The following CADPS variants were observed in gnomAD, a reference collection of about 807,000 sequenced individuals.
CADPS encodes the protein calcium-dependent secretion activator 1.
In CADPS, 57 loss-of-function variants were observed where a neutral mutation model predicts 167.3. The ratio of observed to expected loss-of-function variants is 0.34; its 90% CI spans 0.28 to 0.42. CADPS has a LOEUF of 0.42. Ranked by LOEUF, CADPS falls within the 20% of genes least tolerant of loss-of-function variation. The pLI is 1.00. For synonymous variants in CADPS, 676 were observed against 635.3 expected, an observed-to-expected ratio of 1.06 and a Z score of -0.96; for missense variants, 1,414 against 1,738.1, an observed-to-expected ratio of 0.81 and a Z score of 3.32.
At chr3:62,563,455 T>C (rs1577883543) in intron 9 of CADPS, among the ~76,000 whole-genome samples, 1 of 152,204 alleles carries the variant, frequency 6.6e-6, no homozygotes, top group African/African-American at 2.4e-5. Flanking sequence ...ACATTCTCAG[T>C]TGGGAATCAG....
chr3:62,524,562 G>A (rs1455247622), intron 13 of CADPS, among the ~76,000 whole-genome samples: 6 of 152,174 alleles, frequency 3.9e-5, no homozygotes, highest in Admixed American at 3.9e-4. Context: ...ACAAGGCTTG[G>A]AAGGGGCAAA....
At chr3:62,652,249 A>G (rs2070345115) in intron 4 of CADPS, among the ~76,000 whole-genome samples, 1 of 151,976 alleles carries the variant, frequency 6.6e-6, no homozygotes. Context: ...GTACATGTCC[A>G]ATTGGCCATA....
At chr3:62,807,964 C>T (rs1360932278) in intron 1 of CADPS, among the ~76,000 whole-genome samples, 2 of 152,048 alleles carry the variant, frequency 1.3e-5, no homozygotes, top group Admixed American at 6.6e-5. Flanking sequence ...AACTCCACCT[C>T]CCGGGTTCAC....
At chr3:62,423,040 A>G (rs1352334233) in intron 28 of CADPS, among the ~76,000 whole-genome samples, 1 of 152,222 alleles carries the variant, frequency 6.6e-6, no homozygotes, top group Non-Finnish European at 1.5e-5. Flanking sequence ...AGGGAGAGAT[A>G]GACTGAAAGC....
chr3:62,420,126 T>C lies in CADPS; in HGVS notation c.3778-16941A>G, dbSNP rs951129410. On this transcript the variant is annotated intron_variant, in intron 28 of 29. Transcript: ENST00000383710. The surrounding 1 kb of genome is among the most constrained non-coding windows in gnomAD (Gnocchi z 4.1). ...AAAAAAATTCAGGTGAATAGGTAAA[T>C]GGAATGCTTTACATTAAACCACACA... Among the ~76,000 whole-genome samples the C allele has an allele frequency of 5.3e-5, 8 of 152,082 alleles. No homozygotes were observed. Among genetic ancestry groups the C allele is most frequent in the Non-Finnish European group, 7.4e-5 (5 of 68,024 alleles).
chr3:62,669,146 T>G (rs967785854), intron 3 of CADPS, among the ~76,000 whole-genome samples: 7 of 152,152 alleles, frequency 4.6e-5, no homozygotes, highest in African/African-American at 1.7e-4. Context: ...GTTTAGCTTG[T>G]TTTCTCGCTA....
intron 1 of CADPS, among the ~76,000 whole-genome samples, chr3:62,844,712 T>A (rs377445839): frequency 6.6e-6 from 1 of 152,184 alleles, no homozygotes; most frequent in Non-Finnish European, 1.5e-5. Context: ...AACACACTAA[T>A]GCGATTGGGA....
At chr3:62,430,115 A>G (rs886619963) in intron 28 of CADPS, among the ~76,000 whole-genome samples, 1 of 152,226 alleles carries the variant, frequency 6.6e-6, no homozygotes, top group Non-Finnish European at 1.5e-5. Context: ...TTTGGATAGT[A>G]ATAACCCATT....
intron 1 of CADPS, among the ~76,000 whole-genome samples, chr3:62,846,992 A>G (rs2077559710): frequency 6.6e-6 from 1 of 152,188 alleles, no homozygotes; most frequent in South Asian, 2.1e-4. Context: ...AGTTAGTATT[A>G]AAAACATTTG....
At chr3:62,801,531 T>C (rs1210377522) in intron 1 of CADPS, among the ~76,000 whole-genome samples, 2 of 152,190 alleles carry the variant, frequency 1.3e-5, no homozygotes, top group Non-Finnish European at 2.9e-5. Context: ...AATATGTGAC[T>C]TTCCTGTTGT....
intron 28 of CADPS, among the ~76,000 whole-genome samples, chr3:62,417,276 C>CT (rs11353455): frequency 0.079 from 5,037 of 64,016 alleles, 1,620 homozygotes; most frequent in South Asian, 0.25. Context: ...TTCTTTTACT[C>CT]TTTTTTTTTT....
intron 1 of CADPS, among the ~76,000 whole-genome samples, chr3:62,845,243 C>T (rs143037831): frequency 5.6e-4 from 85 of 152,266 alleles, no homozygotes; most frequent in Middle Eastern, 3.4e-3. Flanking sequence ...GCTTCTTGAG[C>T]TTCTGTATTG....
intron 17 of CADPS, among the ~76,000 whole-genome samples, chr3:62,511,566 G>T (rs1400874182): frequency 2.0e-5 from 3 of 151,982 alleles, no homozygotes; most frequent in African/African-American, 7.3e-5. Flanking sequence ...TAGCTATCTG[G>T]CTTTACATAT....
At chr3:62,436,791 A>C (rs988705245) in intron 28 of CADPS, among the ~76,000 whole-genome samples, 2 of 152,106 alleles carry the variant, frequency 1.3e-5, no homozygotes, top group African/African-American at 4.8e-5. Flanking sequence ...AAAAGTAAGA[A>C]GGGTTTTGTC....
chr3:62,765,790 T>A, intron 2 of CADPS, 81 bp downstream of exon 2: 1 of 791,960 alleles, frequency 1.3e-6, no homozygotes, highest in East Asian at 2.6e-5. Flanking sequence ...CCAAAACGAC[T>A]GTCCCCATTG....
chr3:62,547,592 C>CT (rs1188586868), intron 11 of CADPS, among the ~76,000 whole-genome samples: 1 of 103,300 alleles, frequency 9.7e-6, no homozygotes, highest in Non-Finnish European at 2.0e-5. Flanking sequence ...TTACGCCCCC[C>CT]CCCCCCCGCA....
intron 26 of CADPS, among the ~76,000 whole-genome samples, chr3:62,454,773 A>G (rs913718151): frequency 2.6e-5 from 4 of 152,148 alleles, no homozygotes; most frequent in Non-Finnish European, 5.9e-5. Context: ...TCCTTAGGCA[A>G]GAACATGAAA....
At chr3:62,641,347 C>T (rs2067375704) in intron 6 of CADPS, among the ~76,000 whole-genome samples, 1 of 152,146 alleles carries the variant, frequency 6.6e-6, no homozygotes. Context: ...AAAGGAGTGC[C>T]TTCTTTTTCA....
At chr3:62,612,102 G>A (rs757978440) in intron 6 of CADPS, among the ~76,000 whole-genome samples, 1 of 152,170 alleles carries the variant, frequency 6.6e-6, no homozygotes, top group Non-Finnish European at 1.5e-5. Flanking sequence ...CTACTGAAGA[G>A]TTACAATGTC....
Sources: gnomAD v4.1 joint callset for allele counts (sites outside exome capture counted in the v4.1 genomes callset) on GRCh38, gnomAD v4.1.1 for gene constraint, Gnocchi (gnomAD v3.1) non-coding constraint, MANE v1.5 for transcripts, NCBI Gene and HGNC (gene_info 2026-07-23, HGNC 2026-07-21) for gene names.